Variants in NXPE1 observed in about 807,000 individuals in gnomAD.
The protein encoded by NXPE1 is NXPE family member 1.
Under a neutral mutation model 33.3 loss-of-function variants are expected in NXPE1, and 31 were observed. The ratio of observed to expected loss-of-function variants is 0.93; its 90% CI spans 0.70 to 1.26. The LOEUF (loss-of-function observed/expected upper bound fraction) is 1.26. NXPE1 is among the 50% of genes most tolerant of loss of function. The pLI is 0.00. For missense variants in NXPE1, 661 were observed against 655.6 expected (o/e 1.01, Z -0.09); for synonymous variants, 229 against 231.4 (o/e 0.99, Z 0.09).
chr11:114,523,571 T>C (rs906262479), intron 7 of NXPE1, among the ~76,000 whole-genome samples: 8 of 152,324 alleles, frequency 5.3e-5, no homozygotes, highest in South Asian at 2.1e-4. Context: ...AATAGTATAA[T>C]AGTCACCTAG....
At chr11:114,555,271 T>C (rs1948621824) in intron 1 of NXPE1, among the ~76,000 whole-genome samples, 1 of 152,130 alleles carries the variant, frequency 6.6e-6, no homozygotes, top group Admixed American at 6.6e-5. Flanking sequence ...TTGCCCAGGC[T>C]GGAGTACAGT....
intron 5 of NXPE1, among the ~76,000 whole-genome samples, chr11:114,534,421 C>T (rs949912199): frequency 6.6e-6 from 1 of 152,138 alleles, no homozygotes; most frequent in African/African-American, 2.4e-5. Flanking sequence ...AGCAACAGAA[C>T]AAAGCTGGAC....
At position 114,523,876 on chromosome 11, in the gene NXPE1, A is replaced by G. The variant is rs574731034; in HGVS notation, c.896-785T>C. ...ATATCAGGACTTCTATACTGATACTACGTTCTGTATGAGATAGGAAACCAG... is the reference window on the plus strand; with the variant it reads ...ATATCAGGACTTCTATACTGATACTGCGTTCTGTATGAGATAGGAAACCAG... On this transcript the variant is annotated intron_variant, in intron 7 of 8. Coordinates refer to ENST00000534921, the Ensembl canonical transcript of NXPE1. Among the ~76,000 whole-genome samples the G allele has an allele frequency of 8.5e-5, 13 of 152,368 alleles. 1 individual carries two copies. The South Asian group carries it at 2.3e-3, about 27-fold the overall frequency.
At chr11:114,534,269 C>T (rs1361070699) in intron 5 of NXPE1, among the ~76,000 whole-genome samples, 1 of 152,112 alleles carries the variant, frequency 6.6e-6, no homozygotes. Flanking sequence ...GACATCCACA[C>T]CCAAAACCCA....
At chr11:114,533,215 A>G (rs978460732) in intron 5 of NXPE1, among the ~76,000 whole-genome samples, 5 of 152,166 alleles carry the variant, frequency 3.3e-5, no homozygotes, top group Non-Finnish European at 5.9e-5. Context: ...GAGTTAGCAA[A>G]TTATTAGTAT....
exon 8 of NXPE1, chr11:114,523,077 C>G (rs956443370): frequency 6.2e-7 from 1 of 1,612,410 alleles, no homozygotes; most frequent in Non-Finnish European, 8.5e-7. Flanking sequence ...CATGTCTCTT[C>G]TATTTTTTCT....
At position 114,552,458 on chromosome 11, in the gene NXPE1, C is replaced by A. The variant is rs1302776520; in HGVS notation, c.-181-373G>T. ...GTCCAGTGTCTAGCATGGTGCCTGACAAGCACAATATTTGTTGAATAAATA... is the reference window on the plus strand; with the variant it reads ...GTCCAGTGTCTAGCATGGTGCCTGAAAAGCACAATATTTGTTGAATAAATA... On this transcript the variant is annotated intron_variant, in intron 2 of 8. Transcript: ENST00000534921. 2.0e-5 allele frequency among the ~76,000 whole-genome samples: 3 copies of A among 152,080 alleles called. No individual in the cohort carries two copies. The East Asian group carries it at 5.8e-4, about 29-fold the overall frequency.
chr11:114,536,651 C>G (rs1947838226), intron 5 of NXPE1, among the ~76,000 whole-genome samples: 1 of 152,168 alleles, frequency 6.6e-6, no homozygotes, highest in African/African-American at 2.4e-5. Flanking sequence ...ATACTATAAG[C>G]ACCTCTATGC....
intron 6 of NXPE1, chr11:114,528,766 G>C (rs557715815): frequency 2.8e-5 from 18 of 632,550 alleles, no homozygotes; most frequent in Middle Eastern, 2.5e-4. Context: ...TGAGGACCCA[G>C]GTGCCAAGTA....
chr11:114,530,739 G>C (rs1464043129), exon 6 of NXPE1: 3 of 1,614,214 alleles, frequency 1.9e-6, no homozygotes, highest in Non-Finnish European at 2.5e-6. Flanking sequence ...GTTCACATGG[G>C]TGAAAGGTCT....
At chr11:114,530,600 C>T (rs758857654) in exon 6 of NXPE1, 1 of 1,614,122 alleles carries the variant, frequency 6.2e-7, no homozygotes, top group Non-Finnish European at 8.5e-7. Context: ...TCAGGAAATC[C>T]CCACCATATT....
At chr11:114,530,152 G>A (rs897108300) in intron 6 of NXPE1, 23 bp downstream of exon 6, 1 of 1,568,602 alleles carries the variant, frequency 6.4e-7, no homozygotes, top group East Asian at 2.2e-5. Flanking sequence ...ACACTTCTCA[G>A]TATACATGAA....
At chr11:114,547,473 G>A (rs190951532) in intron 5 of NXPE1, among the ~76,000 whole-genome samples, 4 of 152,318 alleles carry the variant, frequency 2.6e-5, no homozygotes, top group African/African-American at 4.8e-5. Flanking sequence ...GGTGGCTCAC[G>A]CCTGTAATCC....
At chr11:114,528,469 T>A (rs1349812785) in intron 6 of NXPE1, among the ~76,000 whole-genome samples, 1 of 152,248 alleles carries the variant, frequency 6.6e-6, no homozygotes, top group Non-Finnish European at 1.5e-5. Context: ...CATTTCCTGC[T>A]ATGATTACCT....
At chr11:114,558,228 A>T (rs1188783474) in intron 1 of NXPE1, among the ~76,000 whole-genome samples, 4 of 152,126 alleles carry the variant, frequency 2.6e-5, no homozygotes, top group Non-Finnish European at 4.4e-5. Context: ...ATATATATCC[A>T]TATATATGCA....
chr11:114,522,797 C>T, intron 8 of NXPE1, 82 bp downstream of exon 8: 2 of 991,592 alleles, frequency 2.0e-6, no homozygotes, highest in Non-Finnish European at 3.1e-6. Context: ...AACAAAATAG[C>T]TCAAACGAGA....
At chr11:114,537,283 AAAT>A (rs1947868801) in intron 5 of NXPE1, among the ~76,000 whole-genome samples, 1 of 152,200 alleles carries the variant, frequency 6.6e-6, no homozygotes, top group Non-Finnish European at 1.5e-5. Context: ...ACATATCTCA[AAAT>A]AATAAGAGCT....
chr11:114,530,916 G>C lies in NXPE1; in HGVS notation c.100-8C>G, dbSNP rs764629706. 6.3e-7 allele frequency: 1 copy of C among 1,595,736 alleles called. No individual in the cohort carries two copies. Among genetic ancestry groups the C allele is most frequent in the Non-Finnish European group, 8.5e-7 (1 of 1,173,372 alleles). ...GTTTAGAGCAGACCAAAGCTGAAAT[G>C]ACAAGGATTGTGATATACTATGAAA... On this transcript the variant is annotated splice_region_variant and splice_polypyrimidine_tract_variant and intron_variant, in intron 5 of 8. Transcript: ENST00000534921.
In NXPE1 at chr11:114,535,208, ATACTT is replaced by A. The variant is rs922916360; in HGVS notation, c.100-4305_100-4301del. Among the ~76,000 whole-genome samples the A allele has an allele frequency of 5.3e-4, 81 of 152,216 alleles. 1 individual carries two copies. Among genetic ancestry groups the A allele is most frequent in the Non-Finnish European group, 9.7e-4 (66 of 68,050 alleles). ...GCTTCATAAGTGAAGGAGAAATACA[ATACTT>A]TACAGACAAGCAAATGCTGAGAGAT... On this transcript the variant is annotated intron_variant, in intron 5 of 8. Coordinates refer to ENST00000534921, the Ensembl canonical transcript of NXPE1.
Sources: allele counts gnomAD v4.1 joint callset (sites outside exome capture counted in the v4.1 genomes callset), GRCh38; gene constraint gnomAD v4.1.1; transcripts MANE v1.5; gene names NCBI Gene and HGNC (gene_info 2026-07-23, HGNC 2026-07-21).